The following GPC6 variants were observed in gnomAD, a reference collection of about 807,000 sequenced individuals.
GPC6 encodes the protein glypican 6.
Under a neutral mutation model 55.2 loss-of-function variants are expected in GPC6, and 14 were observed. That is an observed-to-expected ratio of 0.25 (90% confidence interval 0.17 to 0.40). The LOEUF (loss-of-function observed/expected upper bound fraction) is 0.40, where lower values mean the gene tolerates loss of function less well. Among genes scored for constraint, GPC6 ranks in the 10% least tolerant of loss-of-function variants. The pLI, the probability that GPC6 is intolerant of heterozygous loss-of-function variation, is 1.00. For synonymous variants in GPC6, 278 were observed against 259.6 expected (o/e 1.07, Z -0.68); for missense variants, 641 against 708.5 (o/e 0.90, Z 1.08).
At chr13:93,742,995 A>G (rs1463493199) in intron 2 of GPC6, among the ~76,000 whole-genome samples, 1 of 152,158 alleles carries the variant, frequency 6.6e-6, no homozygotes, top group African/African-American at 2.4e-5. Flanking sequence ...TCCACAGAGA[A>G]TATGAAGAAG....
At chr13:94,130,450 T>A (rs916918945) in intron 4 of GPC6, among the ~76,000 whole-genome samples, 3 of 152,116 alleles carry the variant, frequency 2.0e-5, no homozygotes, top group Non-Finnish European at 2.9e-5. Context: ...AGCACTGTGT[T>A]AGAACAAAAA....
chr13:93,818,796 A>G (rs908636435), intron 2 of GPC6: 1 of 152,212 alleles, frequency 6.6e-6, no homozygotes, highest in Non-Finnish European at 1.5e-5. Flanking sequence ...CAGGGAGTAA[A>G]GAGAAGGGAA....
chr13:94,211,036 G>T (rs893893102), intron 4 of GPC6, among the ~76,000 whole-genome samples: 1 of 152,196 alleles, frequency 6.6e-6, no homozygotes, highest in Non-Finnish European at 1.5e-5. Flanking sequence ...AAACAGACAA[G>T]ACTAGGCCAG....
intron 4 of GPC6, among the ~76,000 whole-genome samples, chr13:94,057,158 T>G (rs1332939555): frequency 6.6e-6 from 1 of 152,182 alleles, no homozygotes; most frequent in African/African-American, 2.4e-5. Context: ...TGAATGAAAT[T>G]TAGAGGTTGA....
intron 3 of GPC6, among the ~76,000 whole-genome samples, chr13:94,020,112 T>A (rs1448990347): frequency 6.6e-6 from 1 of 152,166 alleles, no homozygotes; most frequent in East Asian, 1.9e-4. Flanking sequence ...TAAAGTGAGG[T>A]TATTGATTTG....
chr13:93,528,340 A>G (rs1881730943), intron 1 of GPC6, among the ~76,000 whole-genome samples: 1 of 152,156 alleles, frequency 6.6e-6, no homozygotes, highest in Non-Finnish European at 1.5e-5. Context: ...ACTGCAATAA[A>G]CTTGAAATTG....
chr13:94,150,166 T>G lies in GPC6; in HGVS notation c.877+122272T>G, dbSNP rs760809866. Among the ~76,000 whole-genome samples, 28 of 152,204 alleles carry G rather than the reference T, an allele frequency of 1.8e-4. No individual in the cohort carries two copies. The South Asian group carries it at 1.9e-3, about 10-fold the overall frequency. The stretch of plus-strand genomic sequence containing the variant: ...TAAAGGCGGATGCATCCAGGTGCCC[T>G]CTTCCCTTCCTACACAAATCCAGCC... On this transcript the variant is annotated intron_variant, in intron 4 of 8. Coordinates refer to ENST00000377047, the MANE Select transcript of GPC6 (RefSeq NM_005708.5).
intron 1 of GPC6, among the ~76,000 whole-genome samples, chr13:93,371,528 C>A (rs1010161141): frequency 6.6e-6 from 1 of 151,998 alleles, no homozygotes; most frequent in Non-Finnish European, 1.5e-5. Context: ...AGCAATGGAC[C>A]ATTTCAGTCT....
intron 1 of GPC6, among the ~76,000 whole-genome samples, chr13:93,496,961 C>T (rs1264039918): frequency 2.0e-5 from 3 of 152,032 alleles, no homozygotes; most frequent in Non-Finnish European, 4.4e-5. Flanking sequence ...CATTGCTAGG[C>T]AATTGGAGGA....
intron 1 of GPC6, among the ~76,000 whole-genome samples, chr13:93,336,333 C>G (rs1484486538): frequency 6.6e-6 from 1 of 152,174 alleles, no homozygotes; most frequent in Non-Finnish European, 1.5e-5. Context: ...TCTTTGTCTT[C>G]CCCTGGTAGG....
rs972218477 is a variant in GPC6, at chr13:93,618,717, A to C, written c.319+73296A>C. ...ATTAACTCTACTAGGATTTATTGAA[A>C]ATGTATCAATATTAATTCCATGAAC... On this transcript the variant is annotated intron_variant, in intron 2 of 8. Coordinates refer to ENST00000377047, the MANE Select transcript of GPC6 (RefSeq NM_005708.5). 1.0e-3 allele frequency among the ~76,000 whole-genome samples: 157 copies of C among 152,308 alleles called. 1 individual carries two copies. The highest frequency in any genetic ancestry group is 2.8e-4 in the Non-Finnish European group (19 of 68,012).
intron 3 of GPC6, among the ~76,000 whole-genome samples, chr13:93,895,232 G>GTGTA (rs1434029877): frequency 1.4e-5 from 1 of 73,386 alleles, no homozygotes; most frequent in African/African-American, 5.6e-5. Context: ...ATGTGTGTGT[G>GTGTA]TGTATATATA....
chr13:93,828,071 A>G (rs1389617638), intron 2 of GPC6, among the ~76,000 whole-genome samples: 2 of 151,510 alleles, frequency 1.3e-5, no homozygotes, highest in African/African-American at 2.4e-5. Context: ...ATTGATTACT[A>G]TTCATTGCTG....
chr13:93,659,539 A>G (rs889715820), intron 2 of GPC6, among the ~76,000 whole-genome samples: 4 of 152,026 alleles, frequency 2.6e-5, no homozygotes, highest in Admixed American at 6.5e-5. Flanking sequence ...TTGTCCTACA[A>G]TTCCCTTAAT....
At chr13:94,374,945 C>G (rs1217485394) in intron 6 of GPC6, among the ~76,000 whole-genome samples, 1 of 143,268 alleles carries the variant, frequency 7.0e-6, no homozygotes, top group Non-Finnish European at 1.5e-5. Flanking sequence ...ACTGAACAAC[C>G]TGCTCCTGAA....
At chr13:93,743,942 T>C (rs1205433644) in intron 2 of GPC6, among the ~76,000 whole-genome samples, 1 of 152,226 alleles carries the variant, frequency 6.6e-6, no homozygotes, top group Non-Finnish European at 1.5e-5. Flanking sequence ...TAATTTGTAA[T>C]TTTACTGACT....
At chr13:93,679,059 A>G (rs1284319669) in intron 2 of GPC6, among the ~76,000 whole-genome samples, 1 of 152,164 alleles carries the variant, frequency 6.6e-6, no homozygotes, top group Non-Finnish European at 1.5e-5. Context: ...TAGAAAATAT[A>G]TCGTATATAT....
intron 1 of GPC6, among the ~76,000 whole-genome samples, chr13:93,296,179 C>T (rs1016965011): frequency 1.3e-5 from 2 of 152,182 alleles, no homozygotes; most frequent in Non-Finnish European, 2.9e-5. Flanking sequence ...GCCTTTTGCA[C>T]AAATTAGGAG....
chr13:93,332,183 C>G (rs1879873079), intron 1 of GPC6, among the ~76,000 whole-genome samples: 1 of 151,770 alleles, frequency 6.6e-6, no homozygotes, highest in African/African-American at 2.4e-5. Context: ...GCAGATATTT[C>G]TTCAACAGGT....
Sources: allele counts gnomAD v4.1 joint callset (sites outside exome capture counted in the v4.1 genomes callset), GRCh38; gene constraint gnomAD v4.1.1; transcripts MANE v1.5; gene names NCBI Gene and HGNC (gene_info 2026-07-23, HGNC 2026-07-21).